ECT2L: variants seen among roughly 807,000 people sequenced by gnomAD.
ECT2L encodes epithelial cell transforming 2 like, also known as epithelial cell-transforming sequence 2 oncogene-like.
Under a neutral mutation model 122.8 loss-of-function variants are expected in ECT2L, and 126 were observed. The observed-to-expected ratio is 1.03, with a 90% CI of 0.89 to 1.19. The LOEUF is 1.19. Among genes scored for constraint, ECT2L ranks in the 50% most tolerant of loss-of-function variants. The pLI, the probability that ECT2L is intolerant of heterozygous loss-of-function variation, is 0.00. For synonymous variants in ECT2L, 385 were observed against 381.8 expected (o/e 1.01, Z -0.10); for missense variants, 1,012 against 1,064.1 (o/e 0.95, Z 0.68).
intron 6 of ECT2L, 46 bp from the exon 7 acceptor site, chr6:138,844,366 A>T: frequency 6.3e-7 from 1 of 1,592,502 alleles, no homozygotes; most frequent in Non-Finnish European, 8.6e-7. Flanking sequence ...CTTGGCTGGG[A>T]GAAGTATGAA....
At chr6:138,882,648 C>G in intron 15 of ECT2L, 76 bp from the exon 16 acceptor site, 1 of 1,547,300 alleles carries the variant, frequency 6.5e-7, no homozygotes, top group Non-Finnish European at 8.8e-7. Context: ...AATGCCCATG[C>G]TGATGACAAT....
Position 138,876,498 on chromosome 6 carries a change from T to C in ECT2L, c.1605T>C (p.Ser535=), listed in dbSNP as rs778952822. 3 of 1,613,266 alleles carry C rather than the reference T, an allele frequency of 1.9e-6. No homozygotes were observed. Among genetic ancestry groups the C allele is most frequent in the South Asian group, 2.2e-5 (2 of 90,958 alleles). The part of the protein sequence containing the change: ...DSERNVVEDN[S]WDTKSRLSKN... ...AAAGAAATGTTGTAGAAGACAATTC[T>C]TGGGACACAAAGTCCAGGCTCAGCA... The change falls in exon 14 of 22, where the codon TCT becomes TCC. Residue 535 remains serine, a synonymous_variant. Coordinates refer to ENST00000541398, the MANE Select transcript of ECT2L (RefSeq NM_001077706.3).
intron 20 of ECT2L, among the ~76,000 whole-genome samples, chr6:138,896,085 T>C (rs573325462): frequency 2.3e-5 from 3 of 130,226 alleles, no homozygotes; most frequent in Non-Finnish European, 4.6e-5. Flanking sequence ...CTGATTTTCA[T>C]TGCTGAATTT....
chr6:138,807,914 A>G (rs1371521743), intron 1 of ECT2L, among the ~76,000 whole-genome samples: 1 of 151,982 alleles, frequency 6.6e-6, no homozygotes, highest in African/African-American at 2.4e-5. Context: ...TGTTATTTAC[A>G]CTAGCTTTAT....
At chr6:138,820,183 G>A (rs940340577) in intron 4 of ECT2L, among the ~76,000 whole-genome samples, 3 of 152,136 alleles carry the variant, frequency 2.0e-5, no homozygotes, top group Non-Finnish European at 1.5e-5. Flanking sequence ...GGTCAGGGTT[G>A]GACTAAATTC....
rs765310384 is a variant in ECT2L, at chr6:138,885,771, C to A, written c.2200C>A (p.Arg734Ser). 1.2e-6 allele frequency: 2 copies of A among 1,614,070 alleles called. No homozygotes were observed. Among genetic ancestry groups the A allele is most frequent in the Admixed American group, 1.7e-5 (1 of 60,004 alleles). The change falls in exon 18 of 22, where the codon CGT becomes AGT. Residue 734 changes from arginine (R) to serine (S), a missense_variant. Arg to Ser is a moderately radical substitution (Grantham distance 110). Coordinates refer to ENST00000541398, the MANE Select transcript of ECT2L (RefSeq NM_001077706.3). Reference protein sequence around the residue: ...RLHTPAEHVDRGDLTTAIDQI... With the variant: ...RLHTPAEHVDSGDLTTAIDQI... ...TCATACCCCTGCAGAGCATGTTGACCGTGGGGACTTGACCACTGCAATTGA... is the reference window on the plus strand; with the variant it reads ...TCATACCCCTGCAGAGCATGTTGACAGTGGGGACTTGACCACTGCAATTGA...
chr6:138,860,304 TG>T (rs1777779151), intron 10 of ECT2L, among the ~76,000 whole-genome samples: 1 of 152,248 alleles, frequency 6.6e-6, no homozygotes, highest in African/African-American at 2.4e-5. Flanking sequence ...TCCACTTGAC[TG>T]TTTTTTTAAT....
intron 1 of ECT2L, among the ~76,000 whole-genome samples, chr6:138,807,566 C>G (rs1474388258): frequency 6.6e-6 from 1 of 152,176 alleles, no homozygotes; most frequent in Non-Finnish European, 1.5e-5. Flanking sequence ...CACTTGCTTC[C>G]CAGTCCCAAA....
At chr6:138,890,671 ACACT>A (rs1778993627) in intron 20 of ECT2L, among the ~76,000 whole-genome samples, 1 of 151,222 alleles carries the variant, frequency 6.6e-6, no homozygotes, top group Admixed American at 6.6e-5. Context: ...TCCTTCTCAA[ACACT>A]CTTCCTTTCT....
rs767373049 is a variant in ECT2L at position 138,838,352 on chromosome 6, G to A, written c.180G>A (p.Arg60=). The A allele has an allele frequency of 3.2e-6, 5 of 1,572,780 alleles. No homozygotes were observed. The South Asian group carries it at 6.0e-5, about 19-fold the overall frequency. The change falls in exon 5 of 22, where the codon AGG becomes AGA. Residue 60 remains arginine (R), a splice_region_variant and synonymous_variant. Coordinates refer to ENST00000541398, the MANE Select transcript of ECT2L (RefSeq NM_001077706.3). ...AAACTAAATTTCTCTTTCTTTTTAG[G>A]TTTGTCCAAGACTGGTTTTCAGAAA... The part of the protein sequence containing the change: ...IFLRCTKSQL[R]FVQDWFSERM...
At chr6:138,846,865 G>C (rs189630792) in intron 8 of ECT2L, among the ~76,000 whole-genome samples, 188 bp downstream of exon 8, 57 of 151,626 alleles carry the variant, frequency 3.8e-4, no homozygotes, top group African/African-American at 1.3e-3. Flanking sequence ...AGAAGGCTGA[G>C]GTGGGAGGAT....
chr6:138,862,573 T>C (rs1191877339), intron 10 of ECT2L, 54 bp from the exon 11 acceptor site: 2 of 1,526,102 alleles, frequency 1.3e-6, no homozygotes, highest in East Asian at 2.3e-5. Context: ...AGTTATATGA[T>C]CTTCCATGGC....
Position 138,810,087 on chromosome 6 carries a change from G to T in ECT2L, c.-243-2751G>T, listed in dbSNP as rs189001342. On this transcript the variant is annotated intron_variant, in intron 1 of 21. Coordinates refer to ENST00000541398, the MANE Select transcript of ECT2L (RefSeq NM_001077706.3). ...AATGAATGTTATGTTATTAGAATAA[G>T]TTTATTACTACAGGCCACGTTTGCC... Among the ~76,000 whole-genome samples the T allele has an allele frequency of 1.2e-3, 185 of 152,306 alleles. 1 individual carries two copies. Among genetic ancestry groups the T allele is most frequent in the Non-Finnish European group, 1.8e-3 (123 of 68,028 alleles).
chr6:138,873,872 C>CTCTGTGTGTGTGTGTGTG (rs772751027), intron 13 of ECT2L, among the ~76,000 whole-genome samples: 1 of 71,368 alleles, frequency 1.4e-5, no homozygotes, highest in African/African-American at 7.3e-5. Context: ...AAATCCAGGA[C>CTCTGTGTGTGTGTGTGTG]TGTGTGTGTG....
intron 11 of ECT2L, 146 bp from the exon 12 acceptor site, chr6:138,864,850 G>A: frequency 1.5e-6 from 1 of 648,106 alleles, no homozygotes; most frequent in East Asian, 2.9e-5. Flanking sequence ...GAAAACAGAG[G>A]ATGGGTGTTT....
At chr6:138,861,757 T>A (rs1777840397) in intron 10 of ECT2L, among the ~76,000 whole-genome samples, 1 of 152,202 alleles carries the variant, frequency 6.6e-6, no homozygotes, top group Admixed American at 6.5e-5. Context: ...AATTCTGGCT[T>A]TTGTTGCAAT....
intron 8 of ECT2L, 129 bp from the exon 9 acceptor site, chr6:138,849,140 A>C: frequency 1.1e-6 from 1 of 931,596 alleles, no homozygotes; most frequent in Non-Finnish European, 1.5e-6. Flanking sequence ...GAGGAAGCTT[A>C]TCTTCTTCCA....
At chr6:138,816,641 C>T (rs11155009) in intron 4 of ECT2L, among the ~76,000 whole-genome samples, 34,595 of 151,968 alleles carry the variant, frequency 0.23, 4,244 homozygotes, top group Middle Eastern at 0.3. Context: ...CCCACCACCA[C>T]GCCCAGCTAC....
rs1190927406 is a variant in ECT2L at position 138,893,175 on chromosome 6, TTTTTTTTTTG to T, written c.2414+4164_2414+4173del. 5.7e-3 allele frequency among the ~76,000 whole-genome samples: 668 copies of T among 118,228 alleles called. 7 individuals carry two copies. Among genetic ancestry groups the T allele is most frequent in the African/African-American group, 0.03 (621 of 20,872 alleles). The allele number at this position is 118,228 out of a possible 152,430, so 77.6% of individuals were successfully genotyped here. Reference sequence around the variant, plus strand: ...ACAAGTGCTTCTCAGTTTTTTTTTGTTTTTTTTTTGTTTTTTTTTGTTTTTTTTTCCCCAC... The same window carrying T: ...ACAAGTGCTTCTCAGTTTTTTTTTGTTTTTTTTTTGTTTTTTTTTCCCCAC... On this transcript the variant is annotated intron_variant, in intron 20 of 21. Coordinates refer to ENST00000541398, the MANE Select transcript of ECT2L (RefSeq NM_001077706.3).
Sources: gnomAD v4.1 joint callset for allele counts (sites outside exome capture counted in the v4.1 genomes callset) on GRCh38, gnomAD v4.1.1 for gene constraint, MANE v1.5 for transcripts, NCBI Gene and HGNC (gene_info 2026-07-23, HGNC 2026-07-21) for gene names.